ZNG1C: variants seen among roughly 807,000 people sequenced by gnomAD.
ZNG1C encodes the protein zinc-regulated GTPase metalloprotein activator 1C.
the ZNG1C span, among the ~76,000 whole-genome samples, chr9:68,286,691 CCTCT>C: frequency 1.4e-5 from 2 of 145,772 alleles, no homozygotes; most frequent in African/African-American, 5.1e-5. Context: ...AATCTTCCTT[CCTCT>C]CTCTCAAGTG....
At chr9:68,281,301 G>A in the ZNG1C span, among the ~76,000 whole-genome samples, 3,555 of 146,748 alleles carry the variant, frequency 0.024, no homozygotes, top group Non-Finnish European at 0.04. Flanking sequence ...TGTCTTCTGC[G>A]TCTCTCACGC....
the ZNG1C span, chr9:68,269,449 A>AAACATCTGTG: frequency 3.6e-5 from 4 of 110,912 alleles, no homozygotes; most frequent in Admixed American, 9.9e-5. Context: ...TCTGTTCCTA[A>AAACATCTGTG]AACATCTGTG....
chr9:68,271,009 A>G, the ZNG1C span: 1 of 141,870 alleles, frequency 7.0e-6, no homozygotes, highest in Non-Finnish European at 1.5e-5. Flanking sequence ...GTAGCTGACA[A>G]GTACTGACAA....
the ZNG1C span, chr9:68,257,113 C>CT: frequency 1.7e-6 from 2 of 1,148,348 alleles, no homozygotes; most frequent in Non-Finnish European, 2.2e-6. Flanking sequence ...TCTCGGCTCA[C>CT]TGCAATCTTT....
chr9:68,297,272 C>G, the ZNG1C span, among the ~76,000 whole-genome samples: 4 of 147,140 alleles, frequency 2.7e-5, no homozygotes, highest in Non-Finnish European at 6.1e-5. Flanking sequence ...TATTCTTATT[C>G]CTGAGAATCC....
chr9:68,254,648 T>TGGAGGGAA, the ZNG1C span: 1 of 151,498 alleles, frequency 6.6e-6, no homozygotes, highest in African/African-American at 2.4e-5. Flanking sequence ...ATTGTTGGAG[T>TGGAGGGAA]GGAGGGAAAG....
the ZNG1C span, among the ~76,000 whole-genome samples, chr9:68,275,562 G>A: frequency 7.7e-6 from 1 of 129,548 alleles, no homozygotes; most frequent in Admixed American, 8.5e-5. Flanking sequence ...ACCTATGAGT[G>A]AGAATATGCG....
At chr9:68,255,617 A>G in the ZNG1C span, among the ~76,000 whole-genome samples, 3 of 147,910 alleles carry the variant, frequency 2.0e-5, no homozygotes, top group East Asian at 2.0e-4. Flanking sequence ...TTTGTAAACT[A>G]TTTATTAGAC....
At chr9:68,244,017 T>TCCATTCCCCC in the ZNG1C span, among the ~76,000 whole-genome samples, 1 of 119,856 alleles carries the variant, frequency 8.3e-6, no homozygotes, top group Non-Finnish European at 1.8e-5. Context: ...TGAATTCCCC[T>TCCATTCCCCC]CCATTCCCCC....
At chr9:68,275,378 GGTTA>G in the ZNG1C span, among the ~76,000 whole-genome samples, 1 of 148,652 alleles carries the variant, frequency 6.7e-6, no homozygotes, top group Non-Finnish European at 1.5e-5. Flanking sequence ...ACAATGTGCA[GGTTA>G]GTTACATATG....
chr9:68,289,439 A>T, the ZNG1C span, among the ~76,000 whole-genome samples: 9 of 150,744 alleles, frequency 6.0e-5, no homozygotes, highest in East Asian at 1.9e-4. Context: ...AAAATCGGGA[A>T]GGCAAAGTGA....
chr9:68,266,687 C>T, the ZNG1C span, among the ~76,000 whole-genome samples: 1 of 141,974 alleles, frequency 7.0e-6, no homozygotes. Flanking sequence ...TCTCACTCTG[C>T]CAATCCCTGA....
At chr9:68,247,473 G>A in the ZNG1C span, 1 of 1,560,654 alleles carries the variant, frequency 6.4e-7, no homozygotes, top group Non-Finnish European at 8.7e-7. Context: ...AGGTATCAAG[G>A]CTGCATGAAT....
chr9:68,288,847 C>CA, the ZNG1C span, among the ~76,000 whole-genome samples: 1 of 67,814 alleles, frequency 1.5e-5, no homozygotes, highest in Non-Finnish European at 2.8e-5. Flanking sequence ...TATGCACATT[C>CA]AAACACATAT....
the ZNG1C span, among the ~76,000 whole-genome samples, chr9:68,268,647 G>A: frequency 1.6e-3 from 248 of 152,348 alleles, no homozygotes; most frequent in Non-Finnish European, 5.1e-4. Context: ...CTAAAGTGAA[G>A]CGTCTTTTTA....
chr9:68,292,168 A>C, the ZNG1C span, among the ~76,000 whole-genome samples: 1 of 151,836 alleles, frequency 6.6e-6, no homozygotes, highest in African/African-American at 2.4e-5. Flanking sequence ...CGTAGGACGA[A>C]AGAATCTGAA....
the ZNG1C span, among the ~76,000 whole-genome samples, chr9:68,281,304 T>G: frequency 1.2e-4 from 19 of 152,214 alleles, no homozygotes; most frequent in Non-Finnish European, 2.1e-4. Context: ...CTTCTGCGTC[T>G]CTCACGCTGG....
At chr9:68,272,455 G>T in the ZNG1C span, 1 of 73,310 alleles carries the variant, frequency 1.4e-5, no homozygotes, top group African/African-American at 4.8e-5. Flanking sequence ...TTTTTTCTTG[G>T]CGATTTTAAT....
chr9:68,255,149 CT>C, the ZNG1C span, among the ~76,000 whole-genome samples: 1 of 117,310 alleles, frequency 8.5e-6, no homozygotes, highest in Admixed American at 9.1e-5. Context: ...AAATGTTGGC[CT>C]TTTTGTTTTA....
Sources: gnomAD v4.1 joint callset for allele counts (sites outside exome capture counted in the v4.1 genomes callset) on GRCh38, gnomAD v4.1.1 for gene constraint, MANE v1.5 for transcripts, NCBI Gene and HGNC (gene_info 2026-07-23, HGNC 2026-07-21) for gene names.